Variants in SGCZ observed in about 807,000 individuals in gnomAD.
SGCZ encodes sarcoglycan zeta, also known as zeta-sarcoglycan.
In SGCZ, 40 loss-of-function variants were observed where a neutral mutation model predicts 41.3. The observed-to-expected ratio is 0.97, with a 90% CI of 0.75 to 1.26. SGCZ has a LOEUF of 1.26. Ranked by LOEUF, SGCZ falls within the 50% of genes most tolerant of loss-of-function variation. SGCZ has a pLI of 0.00. For synonymous variants in SGCZ, 206 were observed against 137.5 expected (o/e 1.50, Z -3.49); for missense variants, 552 against 369.8 (o/e 1.49, Z -4.04).
intron 1 of SGCZ, among the ~76,000 whole-genome samples, chr8:14,654,811 G>C (rs1807510416): frequency 6.7e-6 from 1 of 149,118 alleles, no homozygotes; most frequent in South Asian, 2.1e-4. Context: ...TCATAATTTT[G>C]TCATAAATCA....
At chr8:14,551,876 A>T (rs1803880893) in intron 2 of SGCZ, among the ~76,000 whole-genome samples, 1 of 150,700 alleles carries the variant, frequency 6.6e-6, no homozygotes, top group South Asian at 2.1e-4. Context: ...AATATCGCTC[A>T]TAATGATGGA....
At chr8:14,678,313 C>G (rs758340259) in intron 1 of SGCZ, among the ~76,000 whole-genome samples, 5 of 151,928 alleles carry the variant, frequency 3.3e-5, no homozygotes, top group Non-Finnish European at 5.9e-5. Context: ...GGACAATAAC[C>G]AAAAATATAC....
intron 1 of SGCZ, among the ~76,000 whole-genome samples, chr8:14,875,931 G>A (rs548271179): frequency 6.6e-6 from 1 of 152,138 alleles, no homozygotes; most frequent in East Asian, 1.9e-4. Context: ...CAGAATAGCA[G>A]AGTAATAAAC....
intron 2 of SGCZ, among the ~76,000 whole-genome samples, chr8:14,419,534 T>C (rs2117301326): frequency 6.6e-6 from 1 of 152,084 alleles, no homozygotes; most frequent in South Asian, 2.1e-4. Context: ...CACCTTTCTA[T>C]AACTAGTCAG....
chr8:15,166,333 T>C (rs1204708342), intron 1 of SGCZ, among the ~76,000 whole-genome samples: 4 of 151,718 alleles, frequency 2.6e-5, no homozygotes, highest in African/African-American at 7.3e-5. Flanking sequence ...CTGCAAGCTC[T>C]GCCTCCCGGG....
intron 1 of SGCZ, among the ~76,000 whole-genome samples, chr8:14,796,109 A>G (rs1317898114): frequency 6.6e-6 from 1 of 152,104 alleles, no homozygotes; most frequent in Non-Finnish European, 1.5e-5. Flanking sequence ...TGTCTTTGCT[A>G]TTGTGAATAG....
chr8:14,437,206 A>C (rs182509414), intron 2 of SGCZ, among the ~76,000 whole-genome samples: 1 of 152,174 alleles, frequency 6.6e-6, no homozygotes, highest in Non-Finnish European at 1.5e-5. Context: ...TGATTATGCA[A>C]TGGATCTGGC....
intron 1 of SGCZ, among the ~76,000 whole-genome samples, chr8:14,644,721 C>CA (rs972038506): frequency 3.3e-5 from 5 of 151,524 alleles, no homozygotes; most frequent in African/African-American, 1.2e-4. Flanking sequence ...TGAAAATTTG[C>CA]AAAAATATCA....
intron 2 of SGCZ, among the ~76,000 whole-genome samples, chr8:14,526,366 A>G (rs953970684): frequency 6.6e-6 from 1 of 152,134 alleles, no homozygotes; most frequent in African/African-American, 2.4e-5. Context: ...CTATTTGATG[A>G]CAGCCGTCCC....
At chr8:14,141,447 CAAAGAACT>C (rs1239486274) in intron 5 of SGCZ, among the ~76,000 whole-genome samples, 3 of 152,182 alleles carry the variant, frequency 2.0e-5, no homozygotes, top group Admixed American at 2.0e-4. Flanking sequence ...CCAGAATCTA[CAAAGAACT>C]TAAACAAATT....
chr8:14,569,265 A>G (rs922090389), intron 1 of SGCZ, among the ~76,000 whole-genome samples: 4 of 152,210 alleles, frequency 2.6e-5, no homozygotes, highest in African/African-American at 9.6e-5. Flanking sequence ...AAATAATTTT[A>G]CTGATGCTTA....
chr8:15,055,469 G>A (rs1804671408), intron 1 of SGCZ, among the ~76,000 whole-genome samples: 1 of 152,116 alleles, frequency 6.6e-6, no homozygotes, highest in Admixed American at 6.6e-5. Flanking sequence ...GCATGACTAT[G>A]TACGAATTTC....
At chr8:14,459,820 C>A (rs578161455) in intron 2 of SGCZ, among the ~76,000 whole-genome samples, 1 of 151,950 alleles carries the variant, frequency 6.6e-6, no homozygotes, top group Non-Finnish European at 1.5e-5. Context: ...AACATAAACG[C>A]AATATAATCA....
At chr8:15,227,346 A>C (rs1358361057) in intron 1 of SGCZ, among the ~76,000 whole-genome samples, 1 of 152,234 alleles carries the variant, frequency 6.6e-6, no homozygotes, top group Admixed American at 6.5e-5. Flanking sequence ...AAATATTCAT[A>C]TAATGCATAT....
At position 14,634,530 on chromosome 8, in the gene SGCZ, G is replaced by C. The variant is rs960891939; in HGVS notation, c.40-79604C>G. On this transcript the variant is annotated intron_variant, in intron 1 of 7. Coordinates refer to ENST00000382080, the MANE Select transcript of SGCZ (RefSeq NM_139167.4). The stretch of plus-strand genomic sequence containing the variant: ...ATAAAAATCTTCTTTTATGATATTA[G>C]TGGAAGCCTTTTAAATAAATCAGAT... 2.0e-5 allele frequency among the ~76,000 whole-genome samples: 3 copies of C among 151,914 alleles called. No homozygotes were observed. In the East Asian group the frequency reaches 5.8e-4, roughly 29 times the overall value.
chr8:14,727,711 A>T (rs1413717234), intron 1 of SGCZ, among the ~76,000 whole-genome samples: 1 of 151,858 alleles, frequency 6.6e-6, no homozygotes, highest in Non-Finnish European at 1.5e-5. Context: ...ACGGGGTTGC[A>T]CCGTGTCAGC....
intron 1 of SGCZ, among the ~76,000 whole-genome samples, chr8:14,935,175 C>T (rs556823213): frequency 6.6e-6 from 1 of 151,676 alleles, no homozygotes; most frequent in Non-Finnish European, 1.5e-5. Flanking sequence ...ATGTTAATGT[C>T]TTATTAAAAG....
chr8:14,921,616 T>C (rs1366204935), intron 1 of SGCZ, among the ~76,000 whole-genome samples: 1 of 152,040 alleles, frequency 6.6e-6, no homozygotes, highest in Non-Finnish European at 1.5e-5. Context: ...GCCATCGGAA[T>C]GCTCAAAGTA....
chr8:14,563,234 C>A (rs1025676226), intron 1 of SGCZ, among the ~76,000 whole-genome samples: 1 of 152,164 alleles, frequency 6.6e-6, no homozygotes. Flanking sequence ...AGTAAAAGTA[C>A]AGTCTTCACC....
Sources: allele counts gnomAD v4.1 joint callset (sites outside exome capture counted in the v4.1 genomes callset), GRCh38; gene constraint gnomAD v4.1.1; transcripts MANE v1.5; gene names NCBI Gene and HGNC (gene_info 2026-07-23, HGNC 2026-07-21).